MBTD1: variants seen among roughly 807,000 people sequenced by gnomAD.
MBTD1 encodes MBT domain-containing protein 1.
In MBTD1, 24 loss-of-function variants were observed where a neutral mutation model predicts 87.8. The observed-to-expected ratio is 0.27, with a 90% CI of 0.20 to 0.38. MBTD1 has a LOEUF of 0.38. Ranked by LOEUF, MBTD1 falls within the 10% of genes least tolerant of loss-of-function variation. MBTD1 has a pLI of 1.00. For missense variants in MBTD1, 436 were observed against 760.2 expected (o/e 0.57, Z 5.02); for synonymous variants, 237 against 248.6 (o/e 0.95, Z 0.44).
At position 51,179,525 on chromosome 17, in the gene MBTD1, T is replaced by A. The variant is rs1422083444; in HGVS notation, c.*1051A>T. ...ATATATATATATATATATATATATA[T>A]ATATATATATATGGAATTTTAAGAA... On this transcript the variant is annotated 3_prime_UTR_variant, in exon 17 of 17. Coordinates refer to ENST00000586178, the MANE Select transcript of MBTD1 (RefSeq NM_017643.3). 2.6e-5 allele frequency: 3 copies of A among 113,342 alleles called. 1 individual carries two copies. The highest frequency in any genetic ancestry group is 9.2e-5 in the African/African-American group (3 of 32,516). 7.0% of individuals were successfully genotyped at this position (113,342 alleles called of 1,614,324 possible).
chr17:51,242,414 A>G (rs1215952030), intron 2 of MBTD1, among the ~76,000 whole-genome samples: 1 of 152,230 alleles, frequency 6.6e-6, no homozygotes, highest in Non-Finnish European at 1.5e-5. Flanking sequence ...TAGTTACAGA[A>G]GCATTACAGC....
intron 12 of MBTD1, 48 bp from the exon 13 acceptor site, chr17:51,195,409 TATAAAAATA>T: frequency 7.0e-7 from 1 of 1,436,254 alleles, no homozygotes; most frequent in South Asian, 1.4e-5. Flanking sequence ...ATACCACTAT[TATAAAAATA>T]ATACTTTGAC....
intron 2 of MBTD1, chr17:51,256,186 T>C (rs2144286653): frequency 6.6e-6 from 1 of 152,356 alleles, no homozygotes; most frequent in East Asian, 1.9e-4. Flanking sequence ...AGCTTACTTT[T>C]TTTAAACAGC....
intron 2 of MBTD1, among the ~76,000 whole-genome samples, chr17:51,230,507 A>T (rs573297010): frequency 6.6e-6 from 1 of 152,318 alleles, no homozygotes; most frequent in East Asian, 1.9e-4. Flanking sequence ...GAAACCAAGC[A>T]AGGCTGTGTG....
At chr17:51,226,542 T>C in intron 2 of MBTD1, among the ~76,000 whole-genome samples, 1 of 152,082 alleles carries the variant, frequency 6.6e-6, no homozygotes, top group Admixed American at 6.6e-5. Flanking sequence ...TGGTGAAATA[T>C]ACATAACAAA....
chr17:51,219,533 C>G (rs2052765442), intron 4 of MBTD1, among the ~76,000 whole-genome samples: 1 of 152,154 alleles, frequency 6.6e-6, no homozygotes, highest in Admixed American at 6.5e-5. Context: ...TGACAAACTG[C>G]CATCCATTTG....
intron 13 of MBTD1, among the ~76,000 whole-genome samples, chr17:51,194,765 G>C (rs1459192387): frequency 2.0e-5 from 3 of 149,908 alleles, no homozygotes; most frequent in African/African-American, 7.4e-5. Context: ...GTGCCTTTCA[G>C]CTGTAGTTTC....
At chr17:51,182,995 G>A (rs1395165148) in intron 16 of MBTD1, among the ~76,000 whole-genome samples, 3 of 151,862 alleles carry the variant, frequency 2.0e-5, no homozygotes, top group African/African-American at 7.3e-5. Context: ...CACCATGTTG[G>A]TCAGGCTGGT....
intron 2 of MBTD1, chr17:51,251,705 G>A (rs1427107378): frequency 1.3e-5 from 2 of 152,206 alleles, no homozygotes; most frequent in Non-Finnish European, 2.9e-5. Flanking sequence ...TATAGGCAGA[G>A]AAATAAACTA....
At chr17:51,210,819 AT>A (rs1253532586) in intron 6 of MBTD1, among the ~76,000 whole-genome samples, 1 of 151,244 alleles carries the variant, frequency 6.6e-6, no homozygotes, top group African/African-American at 2.4e-5. Flanking sequence ...ACAGTCCATA[AT>A]TTTTTTTAAA....
rs2050207798 is a variant in MBTD1, at chr17:51,179,488, A to ATATATATATATATATATATATATATT, written c.*1087_*1088insAATATATATATATATATATATATATA. 5.4e-5 allele frequency: 1 copy of ATATATATATATATATATATATATATT among 18,464 alleles called. No individual in the cohort carries two copies. The highest frequency in any genetic ancestry group is 6.3e-4 in the Admixed American group (1 of 1,590). 1.1% of individuals were successfully genotyped at this position (18,464 alleles called of 1,614,324 possible). ...TGAATACAATTAAAGACAATTTTATATATATATATATATATATATATATAT... is the reference window on the plus strand; with the variant it reads ...TGAATACAATTAAAGACAATTTTATATATATATATATATATATATATATATTTATATATATATATATATATATATAT... On this transcript the variant is annotated 3_prime_UTR_variant, in exon 17 of 17. Coordinates refer to ENST00000586178, the MANE Select transcript of MBTD1 (RefSeq NM_017643.3).
chr17:51,248,974 C>T (rs1172326841), intron 2 of MBTD1, among the ~76,000 whole-genome samples: 3 of 152,086 alleles, frequency 2.0e-5, no homozygotes, highest in Non-Finnish European at 4.4e-5. Flanking sequence ...TCTCTGGCCC[C>T]GCATGGTGGC....
intron 2 of MBTD1, chr17:51,256,869 G>C (rs1313003591): frequency 1.3e-5 from 2 of 152,086 alleles, no homozygotes; most frequent in Non-Finnish European, 2.9e-5. Flanking sequence ...GTCCAACAAG[G>C]GCCATGGAGC....
chr17:51,226,203 CA>C (rs1185836733), intron 2 of MBTD1, among the ~76,000 whole-genome samples: 2 of 149,472 alleles, frequency 1.3e-5, no homozygotes, highest in East Asian at 4.1e-4. Flanking sequence ...CAAAACAAAA[CA>C]AAAAAACCAT....
chr17:51,228,490 G>GA (rs5820845), intron 2 of MBTD1, among the ~76,000 whole-genome samples: 55,345 of 121,020 alleles, frequency 0.46, 12,084 homozygotes, highest in South Asian at 0.66. Flanking sequence ...TTCAAACCAC[G>GA]AAAAAAAAAA....
intron 2 of MBTD1, among the ~76,000 whole-genome samples, chr17:51,247,897 T>C (rs2054542440): frequency 6.6e-6 from 1 of 152,238 alleles, no homozygotes; most frequent in Non-Finnish European, 1.5e-5. Flanking sequence ...TTTTTAGTTC[T>C]TCTAGGAAAA....
chr17:51,226,091 T>A (rs2053199629), intron 2 of MBTD1, among the ~76,000 whole-genome samples: 1 of 149,810 alleles, frequency 6.7e-6, no homozygotes, highest in South Asian at 2.2e-4. Flanking sequence ...ATCCTAGCAC[T>A]TTGGGAGGCC....
At chr17:51,209,140 T>C (rs1412096684) in intron 6 of MBTD1, among the ~76,000 whole-genome samples, 1 of 152,242 alleles carries the variant, frequency 6.6e-6, no homozygotes, top group African/African-American at 2.4e-5. Context: ...ATGTCTGCCC[T>C]TTTGTTTAAA....
intron 2 of MBTD1, among the ~76,000 whole-genome samples, chr17:51,242,634 G>T (rs868833272): frequency 9.2e-5 from 14 of 152,078 alleles, no homozygotes; most frequent in Admixed American, 2.0e-4. Flanking sequence ...CTACTGGGAA[G>T]ATCACCCTTC....
Sources: allele counts gnomAD v4.1 joint callset (sites outside exome capture counted in the v4.1 genomes callset), GRCh38; gene constraint gnomAD v4.1.1; transcripts MANE v1.5; gene names NCBI Gene and HGNC (gene_info 2026-07-23, HGNC 2026-07-21).